EXOC3L4: variants seen among roughly 807,000 people sequenced by gnomAD.
EXOC3L4 encodes the protein exocyst complex component 3-like protein 4.
In EXOC3L4, 62 loss-of-function variants were observed where a neutral mutation model predicts 69.7. The ratio of observed to expected loss-of-function variants is 0.89; its 90% CI spans 0.72 to 1.10. The LOEUF (loss-of-function observed/expected upper bound fraction) is 1.10, where lower values mean the gene tolerates loss of function less well. EXOC3L4 is among the 50% of genes least tolerant of loss of function. The pLI, the probability that EXOC3L4 is intolerant of heterozygous loss-of-function variation, is 0.00. For missense variants in EXOC3L4, 1,087 were observed against 1,034.8 expected, an observed-to-expected ratio of 1.05 and a Z score of -0.69; for synonymous variants, 502 against 464.2, an observed-to-expected ratio of 1.08 and a Z score of -1.05.
In EXOC3L4 at chr14:103,100,373, T is replaced by G. The variant is rs752334473; in HGVS notation, c.154T>G (p.Ser52Ala). The G allele has an allele frequency of 6.8e-6, 11 of 1,607,630 alleles. No homozygotes were observed. Among genetic ancestry groups the G allele is most frequent in the East Asian group, 4.5e-5 (2 of 44,712 alleles). Reference sequence around the variant, plus strand: ...GGATGGCACAAGGCTGGGCCTGGGCTCCCTGAGGCAGGCCTTCTCCCGGGC... The same window carrying G: ...GGATGGCACAAGGCTGGGCCTGGGCGCCCTGAGGCAGGCCTTCTCCCGGGC... Reference protein sequence around the residue: ...RKDGTRLGLGSLRQAFSRASQ... With the variant: ...RKDGTRLGLGALRQAFSRASQ... Residue 52 changes from serine to alanine, a missense_variant, in exon 2 of 12, where the codon TCC (serine) becomes GCC (alanine). Coordinates refer to ENST00000688303, the MANE Select transcript of EXOC3L4 (RefSeq NM_001077594.2).
Position 103,102,418 on chromosome 14 carries a change from G to GCGACTTC in EXOC3L4, c.697_703dup (p.Leu235ArgfsTer120). 6.5e-7 allele frequency: 1 copy of GCGACTTC among 1,527,918 alleles called. No individual in the cohort carries two copies. Among genetic ancestry groups the GCGACTTC allele is most frequent in the Non-Finnish European group, 8.7e-7 (1 of 1,145,970 alleles). 94.6% of individuals were successfully genotyped at this position (1,527,918 alleles called of 1,614,324 possible). On this transcript the variant is annotated frameshift_variant, in exon 3 of 12. Transcript: ENST00000688303. LOFTEE classifies it high-confidence loss of function. ...GCCCACCCTTCTCCCCCCGACGACG[G>GCGACTTC]CGACTTCCTGCGCACGCCGCGCCGC...
chr14:103,104,846 C>G lies in EXOC3L4; in HGVS notation c.1385+8C>G. 6.6e-7 allele frequency: 1 copy of G among 1,508,104 alleles called. No homozygotes were observed. The highest frequency in any genetic ancestry group is 8.9e-7 in the Non-Finnish European group (1 of 1,121,172). The allele number at this position is 1,508,104 out of a possible 1,614,324, so 93.4% of individuals were successfully genotyped here. A position where few individuals can be genotyped will look rare whatever the true frequency, so the allele number is the denominator to read the frequency against. On this transcript the variant is annotated splice_region_variant and intron_variant, in intron 6 of 11. Coordinates refer to ENST00000688303, the MANE Select transcript of EXOC3L4 (RefSeq NM_001077594.2). Reference sequence around the variant, plus strand: ...CGGCCTCTTCGTGCCCAGGTGCGGACGCATCCTCAGTAGGGGAGCGACCTG... The same window carrying G: ...CGGCCTCTTCGTGCCCAGGTGCGGAGGCATCCTCAGTAGGGGAGCGACCTG...
Position 103,102,543 on chromosome 14 carries a change from G to C in EXOC3L4, c.820G>C (p.Gly274Arg). The change falls in exon 3 of 12, where the codon GGT becomes CGT. Residue 274 changes from glycine (G) to arginine (R), a missense_variant. By Grantham distance (125) the Gly-to-Arg change is moderately radical. Coordinates refer to ENST00000688303, the MANE Select transcript of EXOC3L4 (RefSeq NM_001077594.2). ...CTTCGGGGAGGCGGAGGGCGCGTCG[G>C]GTTTGGCCCAGCTTCTGGCCGAGCT... The part of the protein sequence containing the change: ...WAFGEAEGAS[G>R]LAQLLAELGG... The C allele has an allele frequency of 7.0e-7, 1 of 1,424,176 alleles. No individual in the cohort carries two copies. The highest frequency in any genetic ancestry group is 9.2e-7 in the Non-Finnish European group (1 of 1,091,738). 88.2% of individuals were successfully genotyped at this position (1,424,176 alleles called of 1,614,324 possible).
At position 103,102,711 on chromosome 14, in the gene EXOC3L4, G is replaced by A. The variant is rs1164011784; in HGVS notation, c.988G>A (p.Asp330Asn). Reference sequence around the variant, plus strand: ...CCAGCGCCTCCAGGAGCTCGCGCGCGACGCCCGCGGCTGCGAGCAGCTCTA... The same window carrying A: ...CCAGCGCCTCCAGGAGCTCGCGCGCAACGCCCGCGGCTGCGAGCAGCTCTA... ...VAQRLQELAR[D>N]ARGCEQLYIL... Residue 330 changes from aspartate (D) to asparagine (N), a missense_variant, in exon 3 of 12, where the codon GAC becomes AAC. Transcript: ENST00000688303. The A allele has an allele frequency of 6.9e-7, 1 of 1,459,802 alleles. No individual in the cohort carries two copies. The highest frequency in any genetic ancestry group is 2.9e-5 in the East Asian group (1 of 34,024). 90.4% of individuals were successfully genotyped at this position (1,459,802 alleles called of 1,614,324 possible).
chr14:103,104,683 C>A, intron 5 of EXOC3L4, 55 bp from the exon 6 acceptor site: 1 of 1,394,110 alleles, frequency 7.2e-7, no homozygotes, highest in Non-Finnish European at 9.4e-7. Flanking sequence ...CCAGGGGACC[C>A]GCGGCCTCAG....
Position 103,110,468 on chromosome 14 carries a change from G to T in EXOC3L4, c.*245G>T, listed in dbSNP as rs1053543646. ...AGCTCTCAATGCTGCCTATCGGGCG[G>T]GGGGGGGCCTCCCGCCCGACTGTCC... On this transcript the variant is annotated 3_prime_UTR_variant, in exon 12 of 12. Coordinates refer to ENST00000688303, the MANE Select transcript of EXOC3L4 (RefSeq NM_001077594.2). 80 of 473,952 alleles carry T rather than the reference G, an allele frequency of 1.7e-4. No homozygotes were observed. The highest frequency in any genetic ancestry group is 2.2e-4 in the Admixed American group (6 of 27,438). 29.4% of individuals were successfully genotyped at this position (473,952 alleles called of 1,614,324 possible).
rs1372052652 is a variant in EXOC3L4, at chr14:103,102,669, T to G, written c.946T>G (p.Phe316Val). The G allele has an allele frequency of 2.0e-6, 3 of 1,496,096 alleles. No individual in the cohort carries two copies. The East Asian group carries it at 8.5e-5, about 42-fold the overall frequency. The allele number at this position is 1,496,096 out of a possible 1,614,324, so 92.7% of individuals were successfully genotyped here. Residue 316 changes from phenylalanine to valine, a missense_variant, in exon 3 of 12, where the codon TTC (phenylalanine) becomes GTC (valine). Transcript: ENST00000688303. Reference protein sequence around the residue: ...FPAWEVYLRAFHSAVAQRLQE... With the variant: ...FPAWEVYLRAVHSAVAQRLQE... ...AGCGTGGGAGGTCTATCTGCGTGCCTTCCACAGCGCCGTGGCCCAGCGCCT... is the reference window on the plus strand; with the variant it reads ...AGCGTGGGAGGTCTATCTGCGTGCCGTCCACAGCGCCGTGGCCCAGCGCCT...
At position 103,104,374 on chromosome 14, in the gene EXOC3L4, C is replaced by T. The variant is rs760476127; in HGVS notation, c.1269C>T (p.Ser423=). ...AGGGCCTCTACCAGGCGCCGCTGTCCATGGACGTCCATATGGTGCGGCCCG... is the reference window on the plus strand; with the variant it reads ...AGGGCCTCTACCAGGCGCCGCTGTCTATGGACGTCCATATGGTGCGGCCCG... ...VLQGLYQAPL[S]MDVHMLVAEH... The change falls in exon 5 of 12, where the codon TCC becomes TCT. Residue 423 remains serine (S), a synonymous_variant. Coordinates refer to ENST00000688303, the MANE Select transcript of EXOC3L4 (RefSeq NM_001077594.2). 19 of 1,581,772 alleles carry T rather than the reference C, an allele frequency of 1.2e-5. No homozygotes were observed. The East Asian group carries it at 4.4e-4, about 37-fold the overall frequency.
At position 103,102,628 on chromosome 14, in the gene EXOC3L4, C is replaced by A; in HGVS notation, c.905C>A (p.Ala302Glu). 1 of 1,498,398 alleles carries A rather than the reference C, an allele frequency of 6.7e-7. No individual in the cohort carries two copies. The highest frequency in any genetic ancestry group is 8.9e-7 in the Non-Finnish European group (1 of 1,129,074). The allele number at this position is 1,498,398 out of a possible 1,614,324, so 92.8% of individuals were successfully genotyped here. ...CGGCAGGAGGTGCAGCCCGCGTATG[C>A]GGCGGCCGGCTTCCCAGCGTGGGAG... ...KVRQEVQPAY[A>E]AAGFPAWEVY... Residue 302 changes from alanine to glutamate, a missense_variant, in exon 3 of 12, where the codon GCG (alanine) becomes GAG (glutamate). Ala to Glu is a moderately radical substitution (Grantham distance 107). Coordinates refer to ENST00000688303, the MANE Select transcript of EXOC3L4 (RefSeq NM_001077594.2).
At chr14:103,101,163 C>T (rs1348846110) in intron 2 of EXOC3L4, among the ~76,000 whole-genome samples, 1 of 152,130 alleles carries the variant, frequency 6.6e-6, no homozygotes, top group South Asian at 2.1e-4. Flanking sequence ...CCTCAGCCTC[C>T]CAAAGTGCTG....
Position 103,100,258 on chromosome 14 carries a change from G to A in EXOC3L4, c.39G>A (p.Leu13=). Residue 13 remains leucine, a synonymous_variant, in exon 2 of 12, where the codon CTG becomes CTA. Transcript: ENST00000688303. ...SPQTDTPGPE[L]QSPKEAEEPQ... Reference sequence around the variant, plus strand: ...AGACAGACACTCCTGGGCCGGAGCTGCAGAGTCCCAAGGAGGCTGAGGAGC... The same window carrying A: ...AGACAGACACTCCTGGGCCGGAGCTACAGAGTCCCAAGGAGGCTGAGGAGC... 1 of 1,579,348 alleles carries A rather than the reference G, an allele frequency of 6.3e-7. No homozygotes were observed. Among genetic ancestry groups the A allele is most frequent in the Non-Finnish European group, 8.6e-7 (1 of 1,161,604 alleles).
At chr14:103,103,359 A>AC (rs1350237840) in intron 3 of EXOC3L4, among the ~76,000 whole-genome samples, 1 of 144,482 alleles carries the variant, frequency 6.9e-6, no homozygotes, top group East Asian at 1.9e-4. Flanking sequence ...TGTCTCAAAA[A>AC]AAAAAAAAAA....
intron 2 of EXOC3L4, among the ~76,000 whole-genome samples, chr14:103,101,760 T>A (rs1391683919): frequency 6.6e-6 from 1 of 152,200 alleles, no homozygotes; most frequent in Non-Finnish European, 1.5e-5. Flanking sequence ...GGACACGCCC[T>A]GCCTGAGCTC....
rs1417534180 is a variant in EXOC3L4, at chr14:103,106,778, TC to T, written c.1467-3del. The T allele has an allele frequency of 8.4e-6, 13 of 1,551,874 alleles. No homozygotes were observed. The highest frequency in any genetic ancestry group is 8.7e-6 in the Non-Finnish European group (10 of 1,144,768). Reference sequence around the variant, plus strand: ...CCACCTCATCGCTGGTCCTGGCCCCTCCCCAGGACCAGTCTTCTCTCCAGGT... The same window carrying T: ...CCACCTCATCGCTGGTCCTGGCCCCTCCCAGGACCAGTCTTCTCTCCAGGT... On this transcript the variant is annotated splice_region_variant and splice_polypyrimidine_tract_variant and intron_variant, in intron 7 of 11. Transcript: ENST00000688303.
chr14:103,104,751 A>C lies in EXOC3L4; in HGVS notation c.1298A>C (p.His433Pro). Residue 433 changes from histidine (H) to proline (P), a missense_variant, in exon 6 of 12, where the codon CAC (histidine) becomes CCC (proline). By Grantham distance (77) the His-to-Pro change is moderately conservative. Coordinates refer to ENST00000688303, the MANE Select transcript of EXOC3L4 (RefSeq NM_001077594.2). ...CTTCGCTCGCAGCTCGTGGCCGAGC[A>C]CGTGAAGGCGGCCGGCGCCATCTCC... ...SMDVHMLVAE[H>P]VKAAGAISAE... 6.6e-7 allele frequency: 1 copy of C among 1,514,860 alleles called. No individual in the cohort carries two copies. Among genetic ancestry groups the C allele is most frequent in the Non-Finnish European group, 8.8e-7 (1 of 1,130,736 alleles). 93.8% of individuals were successfully genotyped at this position (1,514,860 alleles called of 1,614,324 possible). A position where few individuals can be genotyped will look rare whatever the true frequency, so the allele number is the denominator to read the frequency against.
chr14:103,098,822 A>C (rs1398851309), intron 1 of EXOC3L4: 1 of 152,212 alleles, frequency 6.6e-6, no homozygotes, highest in Non-Finnish European at 1.5e-5. Context: ...ACCTGTGGCC[A>C]GGGCGGGGCT....
intron 11 of EXOC3L4, among the ~76,000 whole-genome samples, chr14:103,108,910 C>T (rs1457806155): frequency 1.3e-5 from 2 of 152,030 alleles, no homozygotes; most frequent in East Asian, 1.9e-4. Flanking sequence ...AATCCCAGCT[C>T]GAATCTCTCC....
In EXOC3L4 at chr14:103,110,189, C is replaced by T. The variant is rs57904317; in HGVS notation, c.2135C>T (p.Pro712Leu). ...GRVLFEEIKVPSAMAVLITCV is the reference protein window; with the variant it reads ...GRVLFEEIKVLSAMAVLITCV ...GTGCTCTTCGAGGAGATCAAGGTGC[C>T]CAGTGCCATGGCTGTGCTGATCACC... Residue 712 changes from proline to leucine, a missense_variant, in exon 12 of 12, where the codon CCC (proline) becomes CTC (leucine). Transcript: ENST00000688303. 1,129 of 1,523,080 alleles carry T rather than the reference C, an allele frequency of 7.4e-4. 10 individuals carry two copies. The East Asian group carries it at 0.021, about 28-fold the overall frequency. The allele number at this position is 1,523,080 out of a possible 1,614,324, so 94.3% of individuals were successfully genotyped here.
Position 103,105,033 on chromosome 14 carries a change from C to T in EXOC3L4, c.1427C>T (p.Pro476Leu), listed in dbSNP as rs139438860. Residue 476 changes from proline to leucine, a missense_variant, in exon 7 of 12, where the codon CCG becomes CTG. Physicochemically the swap from Pro to Leu is moderately conservative, Grantham distance 98. Transcript: ENST00000688303. ...CTGGCGTCGGAGGCGGTGAGCGAGC[C>T]GCACCTGGGCGCCTACATCAACGCC... Reference protein sequence around the residue: ...AFLASEAVSEPHLGAYINACE... With the variant: ...AFLASEAVSELHLGAYINACE... 2.5e-6 allele frequency: 4 copies of T among 1,612,310 alleles called. No homozygotes were observed. The highest frequency in any genetic ancestry group is 3.4e-6 in the Non-Finnish European group (4 of 1,178,664).
Sources: gnomAD v4.1 joint callset for allele counts (sites outside exome capture counted in the v4.1 genomes callset) on GRCh38, gnomAD v4.1.1 for gene constraint, MANE v1.5 for transcripts, NCBI Gene and HGNC (gene_info 2026-07-23, HGNC 2026-07-21) for gene names.